Variants in PDE8A observed in about 807,000 individuals in gnomAD.
PDE8A encodes phosphodiesterase 8A.
Under a neutral mutation model 105.0 loss-of-function variants are expected in PDE8A, and 59 were observed. That is an observed-to-expected ratio of 0.56 (90% confidence interval 0.46 to 0.70). The LOEUF is 0.70. Among genes scored for constraint, PDE8A ranks in the 30% least tolerant of loss-of-function variants. The pLI is 0.00. For synonymous variants in PDE8A, 355 were observed against 371.9 expected (o/e 0.95, Z 0.52); for missense variants, 1,014 against 1,045.9 (o/e 0.97, Z 0.42).
At chr15:85,043,606 A>C (rs929286477) in intron 1 of PDE8A, among the ~76,000 whole-genome samples, 1 of 152,238 alleles carries the variant, frequency 6.6e-6, no homozygotes, top group Non-Finnish European at 1.5e-5. Context: ...CCCTGTATTT[A>C]ATACGTTAAT....
intron 11 of PDE8A, among the ~76,000 whole-genome samples, chr15:85,104,903 A>AT (rs1567288751): frequency 6.6e-6 from 1 of 152,138 alleles, no homozygotes; most frequent in African/African-American, 2.4e-5. Flanking sequence ...GAATTCATTC[A>AT]TTCATCATTC....
At chr15:85,098,803 A>G (rs933760377) in intron 9 of PDE8A, among the ~76,000 whole-genome samples, 11 of 152,112 alleles carry the variant, frequency 7.2e-5, no homozygotes, top group African/African-American at 2.4e-4. Flanking sequence ...CCTACAAAAA[A>G]TGTAAAAATT....
chr15:85,128,895 G>T (rs2082294350), intron 20 of PDE8A, among the ~76,000 whole-genome samples: 1 of 152,242 alleles, frequency 6.6e-6, no homozygotes, highest in African/African-American at 2.4e-5. Context: ...AAATGTTGAA[G>T]ATGTGGAGCA....
intron 1 of PDE8A, among the ~76,000 whole-genome samples, chr15:85,018,265 G>A (rs2080362117): frequency 6.6e-6 from 1 of 152,182 alleles, no homozygotes; most frequent in African/African-American, 2.4e-5. Context: ...TAGTCATGTA[G>A]ATAAACTGTT....
chr15:85,068,430 C>T (rs1465539135), intron 3 of PDE8A, among the ~76,000 whole-genome samples: 1 of 152,102 alleles, frequency 6.6e-6, no homozygotes, highest in East Asian at 1.9e-4. Context: ...GAGAGAGCTC[C>T]GGCCAGGAAA....
chr15:85,096,736 T>C (rs1014201332), intron 8 of PDE8A, among the ~76,000 whole-genome samples: 2 of 152,140 alleles, frequency 1.3e-5, no homozygotes, highest in Non-Finnish European at 2.9e-5. Flanking sequence ...CCAAGGCCCA[T>C]ACCTCCCTTC....
intron 1 of PDE8A, among the ~76,000 whole-genome samples, chr15:85,054,597 T>TC (rs2081030182): frequency 6.6e-6 from 1 of 152,222 alleles, no homozygotes; most frequent in Non-Finnish European, 1.5e-5. Flanking sequence ...TCTAGTTTAT[T>TC]TGTGTAGAGG....
At chr15:85,084,286 G>T (rs1344099677) in intron 6 of PDE8A, among the ~76,000 whole-genome samples, 1 of 152,160 alleles carries the variant, frequency 6.6e-6, no homozygotes, top group Non-Finnish European at 1.5e-5. Flanking sequence ...AGTCAAAGGG[G>T]ATCGGAATGA....
rs373126608 is a variant in PDE8A at position 84,988,179 on chromosome 15, C to T, written c.186+5831C>T. On this transcript the variant is annotated intron_variant, in intron 1 of 21. Transcript: ENST00000394553. ...AGACACCAGAGGTTAGAAACTTGTCCGAGGTCATACATTTAAGCTGAGATT... is the reference window on the plus strand; with the variant it reads ...AGACACCAGAGGTTAGAAACTTGTCTGAGGTCATACATTTAAGCTGAGATT... 1.1e-3 allele frequency among the ~76,000 whole-genome samples: 160 copies of T among 152,120 alleles called. 1 individual carries two copies. Among genetic ancestry groups the T allele is most frequent in the African/African-American group, 1.9e-3 (80 of 41,412 alleles).
In PDE8A at chr15:85,067,128, T is replaced by C. The variant is rs367887491; in HGVS notation, c.358T>C (p.Phe120Leu). The C allele has an allele frequency of 6.2e-7, 1 of 1,613,916 alleles. No homozygotes were observed. Among genetic ancestry groups the C allele is most frequent in the Non-Finnish European group, 8.5e-7 (1 of 1,179,944 alleles). Residue 120 changes from phenylalanine (F) to leucine (L), a missense_variant, in exon 3 of 22, where the codon TTC becomes CTC. Coordinates refer to ENST00000394553, the MANE Select transcript of PDE8A (RefSeq NM_002605.3). ...GGAGGCTCAGGCTGTCCTTGCCTGT[T>C]TCCTGGACAAACATCATGACATTAT... ...TKEAQAVLAC[F>L]LDKHHDIIII...
intron 16 of PDE8A, among the ~76,000 whole-genome samples, chr15:85,116,636 C>T (rs970868507): frequency 2.0e-5 from 3 of 152,112 alleles, no homozygotes; most frequent in African/African-American, 7.2e-5. Flanking sequence ...AGCTGTTAAC[C>T]AAAGGTGGTA....
At chr15:85,117,904 C>A in intron 17 of PDE8A, 65 bp downstream of exon 17, 1 of 1,271,876 alleles carries the variant, frequency 7.9e-7, no homozygotes. Context: ...AGTGCTTCTG[C>A]CTCCACTAAG....
At chr15:85,062,861 T>A (rs1008139936) in intron 1 of PDE8A, 1 of 152,272 alleles carries the variant, frequency 6.6e-6, no homozygotes, top group Non-Finnish European at 1.5e-5. Context: ...TTCCTGGTGC[T>A]TCTTACTCTA....
At chr15:85,050,347 T>G (rs750643615) in intron 1 of PDE8A, among the ~76,000 whole-genome samples, 1 of 152,228 alleles carries the variant, frequency 6.6e-6, no homozygotes, top group Non-Finnish European at 1.5e-5. Context: ...TTTTTTCTTT[T>G]GCTGCCTGTG....
intron 1 of PDE8A, among the ~76,000 whole-genome samples, chr15:84,996,010 G>T (rs2079969831): frequency 6.6e-6 from 1 of 152,010 alleles, no homozygotes. Flanking sequence ...GTCCTCTTCT[G>T]TGAATTTTTC....
chr15:84,997,913 A>G (rs564909926), intron 1 of PDE8A, among the ~76,000 whole-genome samples: 1 of 152,318 alleles, frequency 6.6e-6, no homozygotes, highest in East Asian at 1.9e-4. Flanking sequence ...TCTTCTTACA[A>G]CAGGTTTAAG....
At chr15:85,022,426 GT>G (rs3042744) in intron 1 of PDE8A, among the ~76,000 whole-genome samples, 12,836 of 134,272 alleles carry the variant, frequency 0.096, 1,219 homozygotes, top group African/African-American at 0.29. Context: ...TATTGGAAGT[GT>G]TTTTTTTTTT....
chr15:85,087,921 G>A (rs539562333), intron 6 of PDE8A, among the ~76,000 whole-genome samples: 28 of 152,186 alleles, frequency 1.8e-4, no homozygotes, highest in Non-Finnish European at 2.8e-4. Flanking sequence ...ATGTTGAGAC[G>A]TCTGGGTATT....
chr15:85,076,885 A>G, intron 5 of PDE8A, 98 bp downstream of exon 5: 2 of 866,030 alleles, frequency 2.3e-6, no homozygotes, highest in East Asian at 2.5e-5. Flanking sequence ...TAATTTGAAG[A>G]AAAAAAATTG....
Sources: allele counts gnomAD v4.1 joint callset (sites outside exome capture counted in the v4.1 genomes callset), GRCh38; gene constraint gnomAD v4.1.1; transcripts MANE v1.5; gene names NCBI Gene and HGNC (gene_info 2026-07-23, HGNC 2026-07-21).